Variants in GPR26 observed in about 807,000 individuals in gnomAD.
GPR26 encodes the protein G protein-coupled receptor 26.
GPR26 carries 15 observed loss-of-function variants against 23.1 expected under a neutral mutation model. The ratio of observed to expected loss-of-function variants is 0.65; its 90% CI spans 0.43 to 1.00. GPR26 has a LOEUF of 1.00. Ranked by LOEUF, GPR26 falls within the 50% of genes least tolerant of loss-of-function variation. The pLI is 0.00. For missense variants in GPR26, 359 were observed against 470.5 expected, an observed-to-expected ratio of 0.76 and a Z score of 2.19; for synonymous variants, 228 against 222.1, an observed-to-expected ratio of 1.03 and a Z score of -0.24.
intron 2 of GPR26, among the ~76,000 whole-genome samples, chr10:123,686,356 CT>C (rs1184096424): frequency 1.3e-5 from 2 of 152,160 alleles, no homozygotes; most frequent in African/African-American, 4.8e-5. Flanking sequence ...AAATAGATTT[CT>C]TTAAAGTATA....
intron 2 of GPR26, among the ~76,000 whole-genome samples, chr10:123,685,810 G>A (rs1020982708): frequency 1.2e-4 from 18 of 152,336 alleles, no homozygotes; most frequent in African/African-American, 4.1e-4. Flanking sequence ...GGCTTCCCAT[G>A]CAGGAGACCC....
At chr10:123,669,171 G>A (rs975429008) in intron 1 of GPR26, among the ~76,000 whole-genome samples, 3 of 152,204 alleles carry the variant, frequency 2.0e-5, no homozygotes, top group Non-Finnish European at 4.4e-5. Context: ...TTCTGGGGCC[G>A]GGGTTGCCAT....
At chr10:123,676,773 C>T (rs1815400922) in intron 2 of GPR26, among the ~76,000 whole-genome samples, 1 of 152,120 alleles carries the variant, frequency 6.6e-6, no homozygotes, top group Admixed American at 6.5e-5. Context: ...CAAACCTCAG[C>T]TCCCCCACAT....
intron 2 of GPR26, among the ~76,000 whole-genome samples, chr10:123,687,185 C>T (rs765419188): frequency 2.0e-5 from 3 of 152,172 alleles, no homozygotes; most frequent in Non-Finnish European, 4.4e-5. Context: ...CACCTGACCG[C>T]GGCTATTGTC....
At position 123,695,500 on chromosome 10, in the gene GPR26, A is replaced by C. The variant is rs892466370; in HGVS notation, c.*7340A>C. Among the ~76,000 whole-genome samples, 1 of 152,166 alleles carries C rather than the reference A, an allele frequency of 6.6e-6. No individual in the cohort carries two copies. Among genetic ancestry groups the C allele is most frequent in the Non-Finnish European group, 1.5e-5 (1 of 68,032 alleles). On this transcript the variant is annotated 3_prime_UTR_variant, in exon 3 of 3. Coordinates refer to ENST00000284674, the MANE Select transcript of GPR26 (RefSeq NM_153442.4). The stretch of plus-strand genomic sequence containing the variant: ...TGTGAGAGTTAAGAGTATCACCATC[A>C]AGGCGCAAGGCTTCAGTCTTATCCC...
intron 2 of GPR26, among the ~76,000 whole-genome samples, chr10:123,680,802 T>G (rs951647554): frequency 8.2e-5 from 6 of 73,200 alleles, no homozygotes; most frequent in South Asian, 4.6e-4. Flanking sequence ...TTCTCTTGGG[T>G]TTTTTTTGTT....
chr10:123,676,378 G>A (rs55973979), intron 2 of GPR26, among the ~76,000 whole-genome samples: 6,728 of 152,156 alleles, frequency 0.044, 180 homozygotes, highest in South Asian at 0.048. Context: ...CAGCACCACC[G>A]ACATTCTATG....
chr10:123,695,615 AGTT>A lies in GPR26; in HGVS notation c.*7456_*7458del, dbSNP rs781152185. Among the ~76,000 whole-genome samples the A allele has an allele frequency of 6.6e-5, 10 of 152,208 alleles. No individual in the cohort carries two copies. The highest frequency in any genetic ancestry group is 1.5e-4 in the Non-Finnish European group (10 of 68,034). On this transcript the variant is annotated 3_prime_UTR_variant, in exon 3 of 3. Coordinates refer to ENST00000284674, the MANE Select transcript of GPR26 (RefSeq NM_153442.4). Reference sequence around the variant, plus strand: ...ATTGATTGGGTGACCCAAGATGGTCAGTTTCCTAAGGACCAGACCATAGTGACT... The same window carrying A: ...ATTGATTGGGTGACCCAAGATGGTCATCCTAAGGACCAGACCATAGTGACT...
At position 123,692,151 on chromosome 10, in the gene GPR26, T is replaced by C. The variant is rs1406033058; in HGVS notation, c.*3991T>C. On this transcript the variant is annotated 3_prime_UTR_variant, in exon 3 of 3. Coordinates refer to ENST00000284674, the MANE Select transcript of GPR26 (RefSeq NM_153442.4). Reference sequence around the variant, plus strand: ...TCATAAGGATGAGATATATTTGGGGTACTGGCAGAGGATGGCAGAGCTGGC... The same window carrying C: ...TCATAAGGATGAGATATATTTGGGGCACTGGCAGAGGATGGCAGAGCTGGC... 1.3e-5 allele frequency: 2 copies of C among 152,194 alleles called. No individual in the cohort carries two copies. Among genetic ancestry groups the C allele is most frequent in the African/African-American group, 2.4e-5 (1 of 41,446 alleles). The allele number at this position is 152,194 out of a possible 1,614,324, so 9.4% of individuals were successfully genotyped here.
chr10:123,693,574 C>T lies in GPR26; in HGVS notation c.*5414C>T, dbSNP rs980354146. 12 of 152,360 alleles carry T rather than the reference C, an allele frequency of 7.9e-5. No individual in the cohort carries two copies. The highest frequency in any genetic ancestry group is 2.1e-4 in the South Asian group (1 of 4,822). 9.4% of individuals were successfully genotyped at this position (152,360 alleles called of 1,614,324 possible). A position where few individuals can be genotyped will look rare whatever the true frequency, so the allele number is the denominator to read the frequency against. ...TGGTTTGTAAGTTCCCCAACTTCCCCGCTGGCTCACACTGTCTCCCCAGAC... is the reference window on the plus strand; with the variant it reads ...TGGTTTGTAAGTTCCCCAACTTCCCTGCTGGCTCACACTGTCTCCCCAGAC... On this transcript the variant is annotated 3_prime_UTR_variant, in exon 3 of 3. Transcript: ENST00000284674.
At chr10:123,685,478 C>T (rs768184325) in intron 2 of GPR26, among the ~76,000 whole-genome samples, 17 of 152,316 alleles carry the variant, frequency 1.1e-4, no homozygotes, top group South Asian at 2.1e-4. Flanking sequence ...CAGCCACAGC[C>T]GGGCCTGGAG....
chr10:123,687,669 G>A (rs1216429973), intron 2 of GPR26, among the ~76,000 whole-genome samples: 1 of 4,378 alleles, frequency 2.3e-4, no homozygotes, highest in Non-Finnish European at 2.9e-3. Flanking sequence ...AAACAGAGAT[G>A]GTCATATCTC....
rs995542315 is a variant in GPR26 at position 123,694,762 on chromosome 10, C to G, written c.*6602C>G. On this transcript the variant is annotated 3_prime_UTR_variant, in exon 3 of 3. Coordinates refer to ENST00000284674, the MANE Select transcript of GPR26 (RefSeq NM_153442.4). The stretch of plus-strand genomic sequence containing the variant: ...GATGCAGATTCCCTAGGAAGTTGAA[C>G]GAAGAAGGAAGGAAGGAAGAAAGGA... 7.1e-6 allele frequency among the ~76,000 whole-genome samples: 1 copy of G among 140,464 alleles called. No homozygotes were observed. The highest frequency in any genetic ancestry group is 2.9e-5 in the African/African-American group (1 of 34,680). 92.1% of individuals were successfully genotyped at this position (140,464 alleles called of 152,430 possible).
intron 2 of GPR26, among the ~76,000 whole-genome samples, chr10:123,676,180 T>C (rs1461360933): frequency 1.3e-5 from 2 of 152,096 alleles, no homozygotes; most frequent in Admixed American, 6.5e-5. Flanking sequence ...TCTCTTCTTC[T>C]TTTCCCCAGA....
intron 2 of GPR26, among the ~76,000 whole-genome samples, chr10:123,680,810 G>GTTTTTTT (rs1564732092): frequency 4.6e-5 from 1 of 21,602 alleles, no homozygotes; most frequent in African/African-American, 2.0e-4. Context: ...GGTTTTTTTT[G>GTTTTTTT]TTTTGTTTTG....
intron 2 of GPR26, among the ~76,000 whole-genome samples, chr10:123,679,706 C>T (rs1845347884): frequency 1.3e-5 from 2 of 152,204 alleles, no homozygotes; most frequent in African/African-American, 4.8e-5. Flanking sequence ...ACCTGCCCCT[C>T]AGGCTCTCAG....
chr10:123,677,001 G>A lies in GPR26; in HGVS notation c.782+2070G>A, dbSNP rs571681323. On this transcript the variant is annotated intron_variant, in intron 2 of 2. Coordinates refer to ENST00000284674, the MANE Select transcript of GPR26 (RefSeq NM_153442.4). ...CTGCACCAAGAGGGGATTTGATCCA[G>A]TGTGGGAAGGTGCATCAGACAGGGA... 7.2e-5 allele frequency among the ~76,000 whole-genome samples: 11 copies of A among 152,340 alleles called. No individual in the cohort carries two copies. The East Asian group carries it at 2.1e-3, about 29-fold the overall frequency.
intron 2 of GPR26, among the ~76,000 whole-genome samples, chr10:123,680,783 T>A (rs993110924): frequency 7.2e-6 from 1 of 138,362 alleles, no homozygotes; most frequent in Non-Finnish European, 1.5e-5. Context: ...CCTCTGCACC[T>A]AGTTAACATT....
In GPR26 at chr10:123,668,526, A is replaced by G. The variant is rs777761940; in HGVS notation, c.668+1451A>G. ...ATGTACCAGACAGCTGGCCATGTGT[A>G]CACAGGTTTACAGGAGTGACACGAG... On this transcript the variant is annotated intron_variant, in intron 1 of 2. Transcript: ENST00000284674. Among the ~76,000 whole-genome samples the G allele has an allele frequency of 2.9e-4, 44 of 152,242 alleles. 1 individual carries two copies. Among genetic ancestry groups the G allele is most frequent in the Non-Finnish European group, 4.8e-4 (33 of 68,046 alleles).
Sources: gnomAD v4.1 joint callset for allele counts (sites outside exome capture counted in the v4.1 genomes callset) on GRCh38, gnomAD v4.1.1 for gene constraint, MANE v1.5 for transcripts, NCBI Gene and HGNC (gene_info 2026-07-23, HGNC 2026-07-21) for gene names.